Variants in DPH5 observed in about 807,000 individuals in gnomAD.
The protein encoded by DPH5 is diphthamide biosynthesis 5.
In DPH5, 31 loss-of-function variants were observed where a neutral mutation model predicts 31.6. The observed-to-expected ratio is 0.98, with a 90% CI of 0.74 to 1.32. The LOEUF (loss-of-function observed/expected upper bound fraction) is 1.32, where lower values mean the gene tolerates loss of function less well. DPH5 is among the 40% of genes most tolerant of loss of function. DPH5 has a pLI of 0.00. For missense variants in DPH5, 309 were observed against 335.7 expected (o/e 0.92, Z 0.62); for synonymous variants, 120 against 115.0 (o/e 1.04, Z -0.28).
chr1:101,006,038 T>C lies in DPH5; in HGVS notation c.370-4451A>G, dbSNP rs78075596. Reference sequence around the variant, plus strand: ...TCTGCGCATCTCTTTGCTGCTGTCATGTGAAGAAGGATGTGTTTGCTTCCC... The same window carrying C: ...TCTGCGCATCTCTTTGCTGCTGTCACGTGAAGAAGGATGTGTTTGCTTCCC... On this transcript the variant is annotated intron_variant, in intron 4 of 7. Transcript: ENST00000370109. 5.9e-5 allele frequency among the ~76,000 whole-genome samples: 9 copies of C among 152,316 alleles called. No individual in the cohort carries two copies. The East Asian group carries it at 1.7e-3, about 29-fold the overall frequency.
chr1:101,015,796 A>T (rs1023500152), intron 3 of DPH5, among the ~76,000 whole-genome samples: 2 of 152,184 alleles, frequency 1.3e-5, no homozygotes, highest in African/African-American at 2.4e-5. Flanking sequence ...CATTTATGTT[A>T]TAGAGACAAC....
At chr1:101,014,483 T>C (rs368920463) in intron 3 of DPH5, among the ~76,000 whole-genome samples, 1 of 152,358 alleles carries the variant, frequency 6.6e-6, no homozygotes, top group South Asian at 2.1e-4. Context: ...AAAAACACTT[T>C]ATTGCTACAA....
At position 100,992,676 on chromosome 1, in the gene DPH5, C is replaced by T. The variant is rs1227272973; in HGVS notation, c.595G>A (p.Glu199Lys). Reference protein sequence around the residue: ...SVNQAAQQLLEIVQNQRIRGE... With the variant: ...SVNQAAQQLLKIVQNQRIRGE... ...CGTATTCTTTGATTTTGAACAATCT[C>T]CAGAAGCTGCTGGGCTGCTTGGTTT... Residue 199 changes from glutamate to lysine, a missense_variant, in exon 7 of 8, where the codon GAG (glutamate) becomes AAG (lysine). By Grantham distance (56) the Glu-to-Lys change is moderately conservative. Transcript: ENST00000370109. 11 of 1,613,792 alleles carry T rather than the reference C, an allele frequency of 6.8e-6. No individual in the cohort carries two copies. Among genetic ancestry groups the T allele is most frequent in the African/African-American group, 1.3e-5 (1 of 74,894 alleles).
At chr1:101,006,094 C>T (rs1247466427) in intron 4 of DPH5, among the ~76,000 whole-genome samples, 3 of 152,302 alleles carry the variant, frequency 2.0e-5, no homozygotes, top group Non-Finnish European at 2.9e-5. Context: ...GTTCTGAGGC[C>T]TCCCCAGCCA....
At chr1:101,012,569 A>G (rs1050958970) in intron 4 of DPH5, among the ~76,000 whole-genome samples, 7 of 152,226 alleles carry the variant, frequency 4.6e-5, no homozygotes, top group African/African-American at 1.7e-4. Flanking sequence ...TTATAGTTCT[A>G]TGAACAGCAT....
intron 2 of DPH5, 34 bp from the exon 3 acceptor site, chr1:101,021,799 A>G (rs539483386): frequency 6.3e-7 from 1 of 1,580,576 alleles, no homozygotes; most frequent in South Asian, 1.2e-5. Flanking sequence ...AGATAAAGAG[A>G]CAGCAGGTGA....
Position 100,990,364 on chromosome 1 carries a change from A to G in DPH5, c.*44T>C. ...GGATACATCCAAACCATATCAATCC[A>G]TATATGGCTGAAATTTACATCAGAC... On this transcript the variant is annotated 3_prime_UTR_variant, in exon 8 of 8. Transcript: ENST00000370109. 4 of 1,562,596 alleles carry G rather than the reference A, an allele frequency of 2.6e-6. No individual in the cohort carries two copies. The highest frequency in any genetic ancestry group is 3.5e-6 in the Non-Finnish European group (4 of 1,134,950).
rs1558055787 is a variant in DPH5, at chr1:101,025,338, A to T, written c.106T>A (p.Ser36Thr). 6.2e-7 allele frequency: 1 copy of T among 1,614,236 alleles called. No individual in the cohort carries two copies. Among genetic ancestry groups the T allele is most frequent in the African/African-American group, 1.3e-5 (1 of 75,066 alleles). ...CSRVYLEAYT[S>T]VLTVGKEALE... Reference sequence around the variant, plus strand: ...GCTTCCTTCCCTACAGTTAGGACTGAGGTGTAGGCTTCCAGATACACTCGA... The same window carrying T: ...GCTTCCTTCCCTACAGTTAGGACTGTGGTGTAGGCTTCCAGATACACTCGA... Residue 36 changes from serine (S) to threonine (T), a missense_variant, in exon 2 of 8, where the codon TCA becomes ACA. By Grantham distance (58) the Ser-to-Thr change is moderately conservative. Coordinates refer to ENST00000370109, the MANE Select transcript of DPH5 (RefSeq NM_015958.3).
At chr1:101,024,475 G>A (rs754699417) in intron 2 of DPH5, among the ~76,000 whole-genome samples, 40 of 152,062 alleles carry the variant, frequency 2.6e-4, no homozygotes, top group Non-Finnish European at 5.0e-4. Context: ...TTAAATGCAT[G>A]GCCAATTCAA....
chr1:100,993,559 AATATATATATATAT>A (rs10527775), intron 6 of DPH5, among the ~76,000 whole-genome samples: 1,065 of 56,554 alleles, frequency 0.019, 80 homozygotes, highest in African/African-American at 0.051. Flanking sequence ...CGAAAATATA[AATATATATATATAT>A]ATATATATAT....
At position 101,019,376 on chromosome 1, in the gene DPH5, CACA is replaced by C. The variant is rs1660298023; in HGVS notation, c.260+2262_260+2264del. 5.3e-5 allele frequency among the ~76,000 whole-genome samples: 8 copies of C among 152,172 alleles called. No homozygotes were observed. The South Asian group carries it at 1.7e-3, about 32-fold the overall frequency. On this transcript the variant is annotated intron_variant, in intron 3 of 7. Transcript: ENST00000370109. Reference sequence around the variant, plus strand: ...TGGAGATGGACAGTGCTGATAGTTGCACAACAATGTGAATGTACTTAGTATGCC... The same window carrying C: ...TGGAGATGGACAGTGCTGATAGTTGCACAATGTGAATGTACTTAGTATGCC...
intron 7 of DPH5, among the ~76,000 whole-genome samples, 186 bp downstream of exon 7, chr1:100,992,447 ATTTT>A (rs759620290): frequency 6.6e-6 from 1 of 151,646 alleles, no homozygotes; most frequent in Non-Finnish European, 1.5e-5. Context: ...AAGAATGCCA[ATTTT>A]TTTTTCTTTC....
Position 101,025,311 on chromosome 1 carries a change from AG to A in DPH5, c.132del (p.Leu45TrpfsTer25). 1 of 1,614,014 alleles carries A rather than the reference AG, an allele frequency of 6.2e-7. No individual in the cohort carries two copies. The highest frequency in any genetic ancestry group is 8.5e-7 in the Non-Finnish European group (1 of 1,179,952). ...GCTGGGGAACGCTCAGCACCTACCA[AG>A]GCTTCCTTCCCTACAGTTAGGACTG... ...YTSVLTVGKE[A>X]LEEFYGRKLV... is the part of the protein sequence containing the mutation. On this transcript the variant is annotated frameshift_variant, in exon 2 of 8. Coordinates refer to ENST00000370109, the MANE Select transcript of DPH5 (RefSeq NM_015958.3). LOFTEE classifies it high-confidence loss of function.
At chr1:101,000,960 AT>A (rs1279398486) in intron 5 of DPH5, among the ~76,000 whole-genome samples, 1 of 152,206 alleles carries the variant, frequency 6.6e-6, no homozygotes, top group Admixed American at 6.5e-5. Flanking sequence ...TCTGCCAACA[AT>A]TGACTAGGTG....
chr1:101,006,804 G>A (rs887738722), intron 4 of DPH5, among the ~76,000 whole-genome samples: 1 of 152,064 alleles, frequency 6.6e-6, no homozygotes, highest in African/African-American at 2.4e-5. Context: ...AACTAGAAAT[G>A]CATTATATAA....
intron 3 of DPH5, among the ~76,000 whole-genome samples, chr1:101,015,522 A>C (rs951146136): frequency 6.6e-6 from 1 of 152,240 alleles, no homozygotes; most frequent in Non-Finnish European, 1.5e-5. Context: ...TAGATTTAGC[A>C]TAATTCTTAC....
At chr1:100,995,983 G>A (rs1236041294) in intron 5 of DPH5, 3 of 152,180 alleles carry the variant, frequency 2.0e-5, no homozygotes, top group Non-Finnish European at 2.9e-5. Flanking sequence ...TTTCCTAAGT[G>A]ATTATAGAAG....
chr1:101,025,601 C>T, intron 1 of DPH5, 82 bp downstream of exon 1: 1 of 827,474 alleles, frequency 1.2e-6, no homozygotes, highest in Non-Finnish European at 1.9e-6. Flanking sequence ...CCTTATGTCA[C>T]GCTTAAGAAC....
rs1558047121 is a variant in DPH5 at position 101,013,805 on chromosome 1, T to A, written c.274A>T (p.Ser92Cys). The A allele has an allele frequency of 6.2e-7, 1 of 1,612,328 alleles. No individual in the cohort carries two copies. Among genetic ancestry groups the A allele is most frequent in the East Asian group, 2.2e-5 (1 of 44,848 alleles). Residue 92 changes from serine (S) to cysteine (C), a missense_variant, in exon 4 of 8, where the codon AGT becomes TGT. Physicochemically the swap from Ser to Cys is moderately radical, Grantham distance 112. Coordinates refer to ENST00000370109, the MANE Select transcript of DPH5 (RefSeq NM_015958.3). ...VGDPFGATTH[S>C]DLVLRATKLG... is the part of the protein sequence containing the mutation. ...TTTGTTGCTCTTAGAACAAGATCAC[T>A]GTGTGTTGTGGCCCTGTAGTGAGAA...
Sources: gnomAD v4.1 joint callset for allele counts (sites outside exome capture counted in the v4.1 genomes callset) on GRCh38, gnomAD v4.1.1 for gene constraint, MANE v1.5 for transcripts, NCBI Gene and HGNC (gene_info 2026-07-23, HGNC 2026-07-21) for gene names.